Variants in RHBDF2 observed in about 807,000 individuals in gnomAD.
RHBDF2 encodes the protein rhomboid 5 homolog 2.
A neutral mutation model predicts 95.2 loss-of-function variants in RHBDF2; 38 were observed. The observed-to-expected ratio is 0.40, with a 90% CI of 0.31 to 0.52. The LOEUF is 0.52. Among genes scored for constraint, RHBDF2 ranks in the 20% least tolerant of loss-of-function variants. RHBDF2 has a pLI of 0.56. For missense variants in RHBDF2, 863 were observed against 1,137.7 expected (o/e 0.76, Z 3.47); for synonymous variants, 442 against 462.0 (o/e 0.96, Z 0.55).
chr17:76,479,049 C>T, intron 5 of RHBDF2, 33 bp downstream of exon 5: 2 of 1,612,168 alleles, frequency 1.2e-6, no homozygotes, highest in Non-Finnish European at 1.7e-6. Flanking sequence ...CATTAGGGTC[C>T]CCACCCCTGC....
At chr17:76,486,437 G>A (rs1244151778) in intron 2 of RHBDF2, among the ~76,000 whole-genome samples, 1 of 152,180 alleles carries the variant, frequency 6.6e-6, no homozygotes, top group Admixed American at 6.6e-5. Context: ...TGAAGGTTGG[G>A]AGCGGTGGTT....
rs767366205 is a variant in RHBDF2, at chr17:76,475,159, G to A, written c.1116-18C>T. On this transcript the variant is annotated intron_variant, in intron 9 of 18. Transcript: ENST00000675367. The stretch of plus-strand genomic sequence containing the variant: ...AGTAGGGCCTGTGCAGAGACACCTC[G>A]GGTCAGCTGAGCCGAGCTCCTATCC... 32 of 1,552,490 alleles carry A rather than the reference G, an allele frequency of 2.1e-5. No homozygotes were observed. The highest frequency in any genetic ancestry group is 9.3e-5 in the East Asian group (4 of 43,154).
Position 76,474,174 on chromosome 17 carries a change from T to C in RHBDF2, c.1465-32A>G, listed in dbSNP as rs115505521. On this transcript the variant is annotated intron_variant, in intron 12 of 18. Coordinates refer to ENST00000675367, the MANE Select transcript of RHBDF2 (RefSeq NM_001005498.4). The stretch of plus-strand genomic sequence containing the variant: ...GGCAGAAGAAGGCTGGTGGGTCATG[T>C]CGGGGCCAGGTCACCCCCACTGGAG... 2.2e-3 allele frequency: 3,339 copies of C among 1,496,172 alleles called. 72 individuals are homozygous for C. The African/African-American group carries it at 0.04, about 18-fold the overall frequency. 92.7% of individuals were successfully genotyped at this position (1,496,172 alleles called of 1,614,324 possible).
intron 1 of RHBDF2, among the ~76,000 whole-genome samples, chr17:76,495,398 C>G (rs552075869): frequency 6.6e-6 from 1 of 152,230 alleles, no homozygotes; most frequent in African/African-American, 2.4e-5. Flanking sequence ...AAATCTGTCC[C>G]GATGGCAGAA....
chr17:76,500,328 A>AC (rs1481650863), intron 1 of RHBDF2, among the ~76,000 whole-genome samples: 1 of 152,120 alleles, frequency 6.6e-6, no homozygotes, highest in Non-Finnish European at 1.5e-5. Context: ...AATGACTCCA[A>AC]CATTGCCAAA....
In RHBDF2 at chr17:76,478,920, T is replaced by A; in HGVS notation, c.558A>T (p.Gly186=). 2 of 1,607,782 alleles carry A rather than the reference T, an allele frequency of 1.2e-6. No individual in the cohort carries two copies. Among genetic ancestry groups the A allele is most frequent in the Non-Finnish European group, 8.5e-7 (1 of 1,176,724 alleles). ...TGGTGAAGGAGGTGAGGGACAGGAC[T>A]CCGGGGGTCAGCGGTGGGTGCGGGG... ...PHAPHPPLTP[G]VLSLTSFTSV... is the part of the protein sequence containing the mutation. Residue 186 remains glycine (G), a synonymous_variant, in exon 6 of 19, where the codon GGA becomes GGT. Coordinates refer to ENST00000675367, the MANE Select transcript of RHBDF2 (RefSeq NM_001005498.4).
At chr17:76,500,986 G>C (rs1350971101) in intron 1 of RHBDF2, 1 of 152,318 alleles carries the variant, frequency 6.6e-6, no homozygotes, top group Non-Finnish European at 1.5e-5. Flanking sequence ...GCACTTCTGG[G>C]ACGCAGGCGG....
At chr17:76,494,616 G>T (rs1388007863) in intron 1 of RHBDF2, among the ~76,000 whole-genome samples, 1 of 152,202 alleles carries the variant, frequency 6.6e-6, no homozygotes, top group Non-Finnish European at 1.5e-5. Flanking sequence ...GCCAGGCATG[G>T]TGGCGGGTGC....
At chr17:76,476,496 C>T in intron 9 of RHBDF2, 1 of 282,174 alleles carries the variant, frequency 3.5e-6, no homozygotes. Context: ...ACCGACCCTG[C>T]CCTCCCTGCT....
At chr17:76,476,703 C>G in intron 9 of RHBDF2, 127 bp downstream of exon 9, 1 of 1,395,590 alleles carries the variant, frequency 7.2e-7, no homozygotes, top group Non-Finnish European at 9.5e-7. Context: ...GAGCTTGTCA[C>G]TACACTCCTG....
intron 2 of RHBDF2, among the ~76,000 whole-genome samples, chr17:76,486,951 CCTT>C (rs1316388030): frequency 3.0e-5 from 3 of 101,590 alleles, no homozygotes; most frequent in East Asian, 3.2e-4. Flanking sequence ...TCGCTTCCTG[CCTT>C]TTTTTTTTTT....
chr17:76,491,463 C>T (rs999822946), intron 1 of RHBDF2, among the ~76,000 whole-genome samples: 1 of 151,976 alleles, frequency 6.6e-6, no homozygotes, highest in Admixed American at 6.5e-5. Flanking sequence ...GGTGGCCTGA[C>T]ACCAGACAGC....
At chr17:76,482,002 CAA>C (rs1490339576) in intron 2 of RHBDF2, 4,285 of 40,204 alleles carry the variant, frequency 0.11, 163 homozygotes, top group Middle Eastern at 0.23. Flanking sequence ...CACACACACA[CAA>C]AACCAAAAAC....
chr17:76,490,086 A>T (rs922077874), intron 1 of RHBDF2, among the ~76,000 whole-genome samples: 1 of 152,208 alleles, frequency 6.6e-6, no homozygotes, highest in African/African-American at 2.4e-5. Context: ...GAGGCTGGGG[A>T]GTAGCCCACG....
chr17:76,490,310 G>T (rs1028451732), intron 1 of RHBDF2, among the ~76,000 whole-genome samples: 1 of 152,162 alleles, frequency 6.6e-6, no homozygotes, highest in Non-Finnish European at 1.5e-5. Context: ...CTGCCCGGCT[G>T]AGTATGACGA....
chr17:76,489,574 C>T (rs538755583), intron 1 of RHBDF2, among the ~76,000 whole-genome samples: 13 of 152,286 alleles, frequency 8.5e-5, no homozygotes, highest in South Asian at 4.2e-4. Flanking sequence ...CCGCCTGCCT[C>T]GGCCTCCCAA....
intron 3 of RHBDF2, 21 bp downstream of exon 3, chr17:76,481,354 C>A (rs753018246): frequency 6.3e-7 from 1 of 1,598,808 alleles, no homozygotes; most frequent in Non-Finnish European, 8.5e-7. Context: ...GAACAGTGAG[C>A]CCCCAGGCCA....
At chr17:76,497,459 A>C (rs902750487) in intron 1 of RHBDF2, among the ~76,000 whole-genome samples, 2 of 152,200 alleles carry the variant, frequency 1.3e-5, no homozygotes, top group African/African-American at 4.8e-5. Flanking sequence ...CCACTCCTAC[A>C]GAATAACAAT....
chr17:76,473,941 C>T lies in RHBDF2; in HGVS notation c.1575-39G>A, dbSNP rs1011896624. On this transcript the variant is annotated intron_variant, in intron 13 of 18. Coordinates refer to ENST00000675367, the MANE Select transcript of RHBDF2 (RefSeq NM_001005498.4). Reference sequence around the variant, plus strand: ...TCAGATTGGGCTGTGGCACACCCAGCGTGCCACGTCCACCTACCCACGTCC... The same window carrying T: ...TCAGATTGGGCTGTGGCACACCCAGTGTGCCACGTCCACCTACCCACGTCC... 7.2e-5 allele frequency: 116 copies of T among 1,607,214 alleles called. 1 individual carries two copies. Among genetic ancestry groups the T allele is most frequent in the Non-Finnish European group, 8.9e-5 (105 of 1,174,354 alleles).
Sources: allele counts gnomAD v4.1 joint callset (sites outside exome capture counted in the v4.1 genomes callset), GRCh38; gene constraint gnomAD v4.1.1; transcripts MANE v1.5; gene names NCBI Gene and HGNC (gene_info 2026-07-23, HGNC 2026-07-21).